SLCO1A2: variants seen among roughly 807,000 people sequenced by gnomAD.
SLCO1A2 encodes solute carrier organic anion transporter family member 1A2, also known as OATP-1.
A neutral mutation model predicts 69.0 loss-of-function variants in SLCO1A2; 67 were observed. The ratio of observed to expected loss-of-function variants is 0.97; its 90% CI spans 0.80 to 1.19. SLCO1A2 has a LOEUF of 1.19. Ranked by LOEUF, SLCO1A2 falls within the 50% of genes most tolerant of loss-of-function variation. The pLI, the probability that SLCO1A2 is intolerant of heterozygous loss-of-function variation, is 0.00. For missense variants in SLCO1A2, 787 were observed against 793.7 expected (o/e 0.99, Z 0.10); for synonymous variants, 260 against 265.9 (o/e 0.98, Z 0.22).
intron 12 of SLCO1A2, among the ~76,000 whole-genome samples, chr12:21,291,754 C>A (rs1946883826): frequency 6.6e-6 from 1 of 152,046 alleles, no homozygotes; most frequent in Non-Finnish European, 1.5e-5. Context: ...GATCAAGTGA[C>A]CTTAGCGAGA....
intron 1 of SLCO1A2, among the ~76,000 whole-genome samples, chr12:21,389,645 T>C (rs558569015): frequency 1.1e-4 from 16 of 152,106 alleles, no homozygotes; most frequent in Non-Finnish European, 1.5e-4. Context: ...CATGACATTA[T>C]AGTTCATATT....
intron 12 of SLCO1A2, among the ~76,000 whole-genome samples, chr12:21,281,574 T>C (rs1390956347): frequency 6.6e-6 from 1 of 150,726 alleles, no homozygotes; most frequent in Non-Finnish European, 1.5e-5. Context: ...ATAAATGAAA[T>C]TGAAATGAAG....
intron 10 of SLCO1A2, chr12:21,295,247 T>C (rs1038479732): frequency 5.8e-6 from 1 of 171,190 alleles, no homozygotes; most frequent in Non-Finnish European, 1.2e-5. Flanking sequence ...TACTCAGTTA[T>C]GGGAGTATAA....
chr12:21,294,567 A>G (rs1947414538), intron 10 of SLCO1A2: 1 of 152,384 alleles, frequency 6.6e-6, no homozygotes, highest in Non-Finnish European at 1.5e-5. Context: ...TTCTACTAAT[A>G]TAAAAAGTGA....
chr12:21,391,834 G>A lies in SLCO1A2; in HGVS notation c.-190+3072C>T, dbSNP rs74066478. On this transcript the variant is annotated intron_variant, in intron 1 of 15. Coordinates refer to the SLCO1A2 transcript ENST00000307378. ...ATGTCTAGTTCACTTTGCACTTTACGTAAACCAAATCTCCTTCCCTCCCAC... is the reference window on the plus strand; with the variant it reads ...ATGTCTAGTTCACTTTGCACTTTACATAAACCAAATCTCCTTCCCTCCCAC... Among the ~76,000 whole-genome samples the A allele has an allele frequency of 8.9e-3, 1,357 of 151,890 alleles. 20 individuals carry two copies. Among genetic ancestry groups the A allele is most frequent in the African/African-American group, 0.03 (1,262 of 41,426 alleles).
At chr12:21,328,277 T>C (rs1952389368) in intron 2 of SLCO1A2, among the ~76,000 whole-genome samples, 1 of 152,184 alleles carries the variant, frequency 6.6e-6, no homozygotes, top group Non-Finnish European at 1.5e-5. Context: ...GGTGGAGGAA[T>C]CTATGGGAAA....
intron 6 of SLCO1A2, among the ~76,000 whole-genome samples, chr12:21,302,555 A>ATT (rs34875372): frequency 0.023 from 3,282 of 140,840 alleles, 132 homozygotes; most frequent in African/African-American, 0.078. Flanking sequence ...TTACCTCTCC[A>ATT]TTTTTTTTTT....
intron 8 of SLCO1A2, among the ~76,000 whole-genome samples, chr12:21,298,354 G>T (rs1289155642): frequency 1.3e-5 from 2 of 151,980 alleles, no homozygotes; most frequent in African/African-American, 4.8e-5. Context: ...CTAGTAATGT[G>T]TGGCCTGCTT....
chr12:21,316,821 C>T (rs970638942), intron 3 of SLCO1A2, among the ~76,000 whole-genome samples: 1 of 152,158 alleles, frequency 6.6e-6, no homozygotes, highest in African/African-American at 2.4e-5. Flanking sequence ...CCAGATAGTT[C>T]CCCAGTGCTT....
intron 2 of SLCO1A2, among the ~76,000 whole-genome samples, chr12:21,363,476 A>C (rs1012050935): frequency 6.6e-6 from 1 of 152,254 alleles, no homozygotes; most frequent in Admixed American, 6.5e-5. Context: ...TAACATCACA[A>C]TTAAAAGAAC....
intron 2 of SLCO1A2, among the ~76,000 whole-genome samples, chr12:21,330,778 AT>A (rs993978333): frequency 1.1e-4 from 17 of 152,146 alleles, no homozygotes; most frequent in African/African-American, 3.6e-4. Context: ...TCAAAGTTCA[AT>A]TTTTAGAAAA....
intron 2 of SLCO1A2, among the ~76,000 whole-genome samples, chr12:21,371,795 G>C (rs1212102206): frequency 6.6e-6 from 1 of 152,092 alleles, no homozygotes; most frequent in Admixed American, 6.5e-5. Context: ...CTGAGGTTGG[G>C]AGTTCGAGAC....
intron 2 of SLCO1A2, among the ~76,000 whole-genome samples, chr12:21,341,520 T>G (rs1287311531): frequency 4.6e-5 from 7 of 152,064 alleles, no homozygotes; most frequent in Non-Finnish European, 1.0e-4. Flanking sequence ...GTATGTTTTC[T>G]TGTTTCTCTA....
At chr12:21,398,246 CT>C (rs1326440024), upstream of SLCO1A2, among the ~76,000 whole-genome samples, 1 of 151,094 alleles carries the variant, frequency 6.6e-6, no homozygotes, top group East Asian at 1.9e-4. Flanking sequence ...CTACAAACAC[CT>C]CTACGCAAAT....
In SLCO1A2 at chr12:21,269,420, T is replaced by C. The variant is rs1414254854; in HGVS notation, c.*128A>G. 5.5e-5 allele frequency: 33 copies of C among 601,414 alleles called. No individual in the cohort carries two copies. Among genetic ancestry groups the C allele is most frequent in the Non-Finnish European group, 8.9e-5 (32 of 361,328 alleles). The allele number at this position is 601,414 out of a possible 1,614,324, so 37.3% of individuals were successfully genotyped here. ...ATCATTAGTGAACATTTTATTATTT[T>C]GAGTTAAGAGGTTTTTTAGGTTCTT... On this transcript the variant is annotated 3_prime_UTR_variant, in exon 15 of 15. Coordinates refer to ENST00000683939, the MANE Select transcript of SLCO1A2 (RefSeq NM_001386879.1).
chr12:21,326,657 A>C (rs976497192), intron 2 of SLCO1A2, among the ~76,000 whole-genome samples: 2 of 152,202 alleles, frequency 1.3e-5, no homozygotes, highest in African/African-American at 4.8e-5. Flanking sequence ...GACTGGCAGC[A>C]TTTTGCCCCT....
intron 2 of SLCO1A2, among the ~76,000 whole-genome samples, chr12:21,363,707 A>C (rs1036072056): frequency 4.6e-5 from 7 of 152,190 alleles, no homozygotes; most frequent in Non-Finnish European, 8.8e-5. Context: ...AAAAATGATA[A>C]AGGGGATATC....
Position 21,299,624 on chromosome 12 carries a change from C to T in SLCO1A2, c.910+724G>A, listed in dbSNP as rs372477558. 9.3e-5 allele frequency among the ~76,000 whole-genome samples: 14 copies of T among 150,618 alleles called. 1 individual carries two copies. The highest frequency in any genetic ancestry group is 3.4e-4 in the African/African-American group (14 of 41,178). On this transcript the variant is annotated intron_variant, in intron 8 of 14. Transcript: ENST00000683939. ...CTTCGTTAAACTAACACACTGGTTA[C>T]AAAACTATACTACCTATTAAGATTA...
At chr12:21,326,756 G>A (rs1013593387) in intron 2 of SLCO1A2, among the ~76,000 whole-genome samples, 10 of 152,200 alleles carry the variant, frequency 6.6e-5, no homozygotes, top group Non-Finnish European at 4.4e-5. Context: ...TTCAAGAAGT[G>A]ACTTGGGTGC....
Sources: gnomAD v4.1 joint callset for allele counts (sites outside exome capture counted in the v4.1 genomes callset) on GRCh38, gnomAD v4.1.1 for gene constraint, MANE v1.5 for transcripts, NCBI Gene and HGNC (gene_info 2026-07-23, HGNC 2026-07-21) for gene names.